Variants in RMND1 observed in about 807,000 individuals in gnomAD.
The protein encoded by RMND1 is required for meiotic nuclear division 1 homolog.
In RMND1, 41 loss-of-function variants were observed where a neutral mutation model predicts 54.0. The ratio of observed to expected loss-of-function variants is 0.76; its 90% CI spans 0.59 to 0.98. The LOEUF is 0.98. Among genes scored for constraint, RMND1 ranks in the 50% least tolerant of loss-of-function variants. The pLI is 0.00. For synonymous variants in RMND1, 183 were observed against 181.7 expected, an observed-to-expected ratio of 1.01 and a Z score of -0.06; for missense variants, 457 against 532.0, an observed-to-expected ratio of 0.86 and a Z score of 1.39.
chr6:151,439,261 A>G (rs1780702295), intron 2 of RMND1, among the ~76,000 whole-genome samples: 1 of 152,218 alleles, frequency 6.6e-6, no homozygotes, highest in Non-Finnish European at 1.5e-5. Context: ...TATTGATGGA[A>G]TAGTTCCATT....
intron 2 of RMND1, among the ~76,000 whole-genome samples, chr6:151,438,852 G>A (rs140486514): frequency 1.3e-5 from 2 of 150,920 alleles, no homozygotes; most frequent in Non-Finnish European, 2.9e-5. Context: ...AATGACTCAC[G>A]TCTGTAATCC....
At chr6:151,430,269 A>G in intron 4 of RMND1, 92 bp from the exon 5 acceptor site, 1 of 860,904 alleles carries the variant, frequency 1.2e-6, no homozygotes, top group Non-Finnish European at 1.9e-6. Flanking sequence ...TAGAATGTAT[A>G]CAGGATGCGA....
At chr6:151,436,898 T>TGC (rs1780632181) in intron 2 of RMND1, 1 of 160,510 alleles carries the variant, frequency 6.2e-6, no homozygotes, top group Non-Finnish European at 1.3e-5. Context: ...GGATGGAATG[T>TGC]TTAAGTCTCT....
chr6:151,422,617 AT>A lies in RMND1; in HGVS notation c.938-13del. 7.2e-7 allele frequency: 1 copy of A among 1,381,348 alleles called. No individual in the cohort carries two copies. The highest frequency in any genetic ancestry group is 1.4e-5 in the African/African-American group (1 of 69,082). 85.6% of individuals were successfully genotyped at this position (1,381,348 alleles called of 1,614,324 possible). ...AATTGCCAGTTTTACTGGGAAAAAAATTAATAATGGAACATTTCTTTATCAT... is the reference window on the plus strand; with the variant it reads ...AATTGCCAGTTTTACTGGGAAAAAAATAATAATGGAACATTTCTTTATCAT... On this transcript the variant is annotated splice_polypyrimidine_tract_variant and intron_variant, in intron 7 of 11. Transcript: ENST00000444024.
intron 10 of RMND1, 38 bp downstream of exon 10, chr6:151,417,241 C>A (rs60573826): frequency 6.3e-7 from 1 of 1,576,066 alleles, no homozygotes; most frequent in Non-Finnish European, 8.6e-7. Flanking sequence ...TAGGCGACAA[C>A]GTGTCTTTTT....
intron 1 of RMND1, among the ~76,000 whole-genome samples, chr6:151,450,418 C>T (rs1446806051): frequency 1.2e-4 from 15 of 124,546 alleles, no homozygotes; most frequent in East Asian, 5.9e-4. Context: ...GTCAGCCCCC[C>T]GCCCGGCCAG....
chr6:151,416,317 T>C (rs115760217), intron 10 of RMND1, among the ~76,000 whole-genome samples: 84 of 152,198 alleles, frequency 5.5e-4, no homozygotes, highest in African/African-American at 1.9e-3. Flanking sequence ...CATGGATCTA[T>C]AGATGTGGCA....
rs1242055727 is a variant in RMND1 at position 151,419,693 on chromosome 6, AAC to A, written c.1079+1550_1079+1551del. Among the ~76,000 whole-genome samples the A allele has an allele frequency of 6.7e-5, 10 of 150,126 alleles. No individual in the cohort carries two copies. In the South Asian group the frequency reaches 2.1e-3, roughly 32 times the overall value. On this transcript the variant is annotated intron_variant, in intron 9 of 11. Coordinates refer to ENST00000444024, the MANE Select transcript of RMND1 (RefSeq NM_017909.4). ...GTTTAAAAAAAAAAAAAAAAAAAGT[AAC>A]ACATACATACCTGTTCACGATTAAA... is the stretch of plus-strand genomic sequence containing the variant.
intron 10 of RMND1, among the ~76,000 whole-genome samples, chr6:151,406,215 C>G (rs192650820): frequency 8.5e-4 from 130 of 152,224 alleles, no homozygotes; most frequent in African/African-American, 3.0e-3. Context: ...AACATTTGAC[C>G]TGCTGTACAC....
intron 10 of RMND1, among the ~76,000 whole-genome samples, chr6:151,406,359 T>TTTG (rs906955676): frequency 4.4e-5 from 5 of 114,394 alleles, no homozygotes; most frequent in South Asian, 2.9e-4. Context: ...AACTTTTTTT[T>TTTG]TTGTTGTTGT....
chr6:151,422,499 T>C, intron 8 of RMND1, 42 bp downstream of exon 8: 1 of 989,656 alleles, frequency 1.0e-6, no homozygotes. Flanking sequence ...TTTTTACATA[T>C]AAAAATCAAT....
At chr6:151,431,702 T>C (rs993860878) in intron 4 of RMND1, among the ~76,000 whole-genome samples, 8 of 152,236 alleles carry the variant, frequency 5.3e-5, no homozygotes, top group East Asian at 3.9e-4. Context: ...CACAGCAAAA[T>C]TCAAAGACTT....
chr6:151,413,826 T>C (rs764106649), intron 10 of RMND1: 1 of 152,240 alleles, frequency 6.6e-6, no homozygotes, highest in Non-Finnish European at 1.5e-5. Context: ...TAATCAATCT[T>C]TCTGTGTCAG....
intron 10 of RMND1, chr6:151,411,635 T>G (rs1211511919): frequency 6.6e-6 from 1 of 152,178 alleles, no homozygotes; most frequent in Non-Finnish European, 1.5e-5. Flanking sequence ...CAGACTTGAC[T>G]TCAGTAATTC....
chr6:151,445,902 G>A, intron 1 of RMND1, 77 bp from the exon 2 acceptor site: 3 of 1,294,264 alleles, frequency 2.3e-6, no homozygotes, highest in Non-Finnish European at 2.1e-6. Context: ...TAGGTAGCAG[G>A]CATATTTCTG....
intron 1 of RMND1, among the ~76,000 whole-genome samples, chr6:151,446,249 C>T (rs1452568939): frequency 2.0e-5 from 3 of 151,912 alleles, no homozygotes; most frequent in Non-Finnish European, 4.4e-5. Context: ...ATGGTGAAAC[C>T]TCATCTCTAC....
chr6:151,439,407 C>A (rs1780706260), intron 2 of RMND1, among the ~76,000 whole-genome samples: 1 of 152,218 alleles, frequency 6.6e-6, no homozygotes, highest in Non-Finnish European at 1.5e-5. Flanking sequence ...CTTCTCTGCA[C>A]AGTGGCATGT....
intron 7 of RMND1, among the ~76,000 whole-genome samples, 193 bp from the exon 8 acceptor site, chr6:151,422,798 C>T (rs1422459647): frequency 1.3e-5 from 2 of 152,142 alleles, no homozygotes; most frequent in African/African-American, 2.4e-5. Flanking sequence ...GAAACTGAAT[C>T]GCTTTCCATG....
Position 151,436,526 on chromosome 6 carries a change from G to C in RMND1, c.533C>G (p.Thr178Arg). The change falls in exon 3 of 12, where the codon ACG (threonine) becomes AGG (arginine). Residue 178 changes from threonine to arginine, a missense_variant. Thr to Arg is a moderately conservative substitution (Grantham distance 71). Coordinates refer to ENST00000444024, the MANE Select transcript of RMND1 (RefSeq NM_017909.4). ...EDLMHCTAFA[T>R]ADEYHLGNLS... Reference sequence around the variant, plus strand: ...ATTTCCCAGATGATACTCATCTGCCGTTGCAAATGCTGTGCAGTGCATTAG... The same window carrying C: ...ATTTCCCAGATGATACTCATCTGCCCTTGCAAATGCTGTGCAGTGCATTAG... 6.2e-7 allele frequency: 1 copy of C among 1,613,826 alleles called. No individual in the cohort carries two copies. The highest frequency in any genetic ancestry group is 1.1e-5 in the South Asian group (1 of 91,078).
Sources: allele counts gnomAD v4.1 joint callset (sites outside exome capture counted in the v4.1 genomes callset), GRCh38; gene constraint gnomAD v4.1.1; transcripts MANE v1.5; gene names NCBI Gene and HGNC (gene_info 2026-07-23, HGNC 2026-07-21).